LRPPRC: variants seen among roughly 807,000 people sequenced by gnomAD.
LRPPRC encodes leucine rich pentatricopeptide repeat containing.
LRPPRC carries 120 observed loss-of-function variants against 180.3 expected under a neutral mutation model. That is an observed-to-expected ratio of 0.67 (90% CI 0.57 to 0.77). The LOEUF (loss-of-function observed/expected upper bound fraction) is 0.77, where lower values mean the gene tolerates loss of function less well. Among genes scored for constraint, LRPPRC ranks in the 30% least tolerant of loss-of-function variants. The pLI, the probability that LRPPRC is intolerant of heterozygous loss-of-function variation, is 0.00. For synonymous variants in LRPPRC, 723 were observed against 600.0 expected, an observed-to-expected ratio of 1.21 and a Z score of -3.00; for missense variants, 2,012 against 1,657.2, an observed-to-expected ratio of 1.21 and a Z score of -3.72.
intron 2 of LRPPRC, among the ~76,000 whole-genome samples, chr2:43,981,012 A>G (rs1489604101): frequency 6.6e-6 from 1 of 152,196 alleles, no homozygotes; most frequent in African/African-American, 2.4e-5. Flanking sequence ...ATCAGATTTT[A>G]TATCTACACT....
chr2:43,901,171 T>A (rs542124937), intron 32 of LRPPRC, 149 bp downstream of exon 32: 16 of 660,772 alleles, frequency 2.4e-5, no homozygotes, highest in Admixed American at 1.2e-4. Context: ...TTTCAACATA[T>A]AATTATTCCC....
chr2:43,922,049 A>T (rs1163096558), intron 27 of LRPPRC, among the ~76,000 whole-genome samples: 1 of 152,196 alleles, frequency 6.6e-6, no homozygotes, highest in African/African-American at 2.4e-5. Context: ...TCCTTAAGCA[A>T]GTGAGGAAGT....
rs1215473289 is a variant in LRPPRC, at chr2:43,911,136, ATC to A, written c.3275+1294_3275+1295del. ...TTTCCAAGTCACTAATTAAGGGTAT[ATC>A]GAGTGTTCTAGATATATATATATAT... is the stretch of plus-strand genomic sequence containing the variant. On this transcript the variant is annotated intron_variant, in intron 30 of 37. Transcript: ENST00000260665. Among the ~76,000 whole-genome samples, 3 of 127,116 alleles carry A rather than the reference ATC, an allele frequency of 2.4e-5. No individual in the cohort carries two copies. In the Admixed American group the frequency reaches 2.6e-4, roughly 11 times the overall value. 83.4% of individuals were successfully genotyped at this position (127,116 alleles called of 152,430 possible). A position where few individuals can be genotyped will look rare whatever the true frequency, so the allele number is the denominator to read the frequency against.
intron 14 of LRPPRC, among the ~76,000 whole-genome samples, chr2:43,955,760 G>A (rs1010435666): frequency 2.0e-5 from 3 of 152,054 alleles, no homozygotes; most frequent in East Asian, 1.9e-4. Context: ...TCATTCTTGT[G>A]TGAACTACCA....
intron 1 of LRPPRC, among the ~76,000 whole-genome samples, chr2:43,987,204 T>G (rs62135120): frequency 0.086 from 13,156 of 152,132 alleles, 647 homozygotes; most frequent in South Asian, 0.14. Context: ...TTAAAAATGT[T>G]TGGTAATGAG....
At chr2:43,904,691 T>G (rs1382664636) in intron 31 of LRPPRC, 4 of 86,884 alleles carry the variant, frequency 4.6e-5, no homozygotes, top group African/African-American at 1.1e-4. Context: ...AGACCCTATC[T>G]CAAAAAAAAC....
At chr2:43,946,404 C>T (rs1462658240) in intron 20 of LRPPRC, among the ~76,000 whole-genome samples, 161 bp from the exon 21 acceptor site, 1 of 151,996 alleles carries the variant, frequency 6.6e-6, no homozygotes. Context: ...TTTTTATTCA[C>T]CTCTAAGAAG....
intron 22 of LRPPRC, 62 bp from the exon 23 acceptor site, chr2:43,943,956 T>A: frequency 8.5e-7 from 1 of 1,171,232 alleles, no homozygotes; most frequent in Non-Finnish European, 1.3e-6. Flanking sequence ...AAACTGCTAT[T>A]AAAACAGCAT....
intron 1 of LRPPRC, among the ~76,000 whole-genome samples, chr2:43,993,622 T>A (rs980943604): frequency 1.3e-5 from 2 of 151,894 alleles, no homozygotes; most frequent in African/African-American, 4.8e-5. Context: ...CTATATACAG[T>A]GCTCAGAGTC....
intron 36 of LRPPRC, chr2:43,892,619 C>T (rs1670531542): frequency 6.6e-6 from 1 of 152,008 alleles, no homozygotes; most frequent in Non-Finnish European, 1.5e-5. Context: ...TCTCAGGTGC[C>T]CTAATAAAAC....
chr2:43,892,070 A>G (rs1466063541), intron 36 of LRPPRC, among the ~76,000 whole-genome samples: 1 of 152,206 alleles, frequency 6.6e-6, no homozygotes, highest in Non-Finnish European at 1.5e-5. Context: ...CTGGTTCATG[A>G]GGTTTAAGGA....
intron 30 of LRPPRC, among the ~76,000 whole-genome samples, chr2:43,908,392 G>T (rs1326255978): frequency 6.6e-6 from 1 of 152,272 alleles, no homozygotes; most frequent in East Asian, 1.9e-4. Context: ...TACTTTAGAG[G>T]TTCCATGGCT....
chr2:43,888,650 A>G lies in LRPPRC; in HGVS notation c.4135T>C (p.Phe1379Leu). 1.3e-6 allele frequency: 2 copies of G among 1,590,660 alleles called. No individual in the cohort carries two copies. The highest frequency in any genetic ancestry group is 2.2e-5 in the East Asian group (1 of 44,746). Residue 1379 changes from phenylalanine to leucine, a missense_variant, in exon 38 of 38, where the codon TTT becomes CTT. Phe to Leu is a conservative substitution (Grantham distance 22). Transcript: ENST00000260665. ...CTTAGCTGCTGTGCATAAAATTCAA[A>G]GCTTTCCTGTTAAGGAGAAAAAAAG... ...PVPFIEPPES[F>L]EFYAQQLRKL...
chr2:43,890,462 C>A (rs1316741081), intron 36 of LRPPRC: 12 of 378,612 alleles, frequency 3.2e-5, no homozygotes. Flanking sequence ...GCCTGTAATC[C>A]CAGCACTTTG....
At chr2:43,959,452 G>A (rs1166796781) in intron 13 of LRPPRC, among the ~76,000 whole-genome samples, 1 of 152,144 alleles carries the variant, frequency 6.6e-6, no homozygotes, top group Non-Finnish European at 1.5e-5. Flanking sequence ...TAACATTAAT[G>A]AGAGCTTAAC....
intron 26 of LRPPRC, among the ~76,000 whole-genome samples, chr2:43,925,642 G>A (rs1196513002): frequency 6.6e-6 from 1 of 152,044 alleles, no homozygotes. Flanking sequence ...GAAGTGCCAA[G>A]GACATTAGGT....
intron 8 of LRPPRC, 107 bp downstream of exon 8, chr2:43,974,507 T>C (rs1225058487): frequency 3.4e-6 from 3 of 882,800 alleles, no homozygotes; most frequent in South Asian, 1.5e-5. Context: ...AAGAGTTCTA[T>C]GTTCAACTCC....
chr2:43,899,610 T>A lies in LRPPRC; in HGVS notation c.3570-5A>T, dbSNP rs1487003199. On this transcript the variant is annotated splice_region_variant and splice_polypyrimidine_tract_variant and intron_variant, in intron 32 of 37. Transcript: ENST00000260665. ...ATTGCGGCATCTATGTTATTACTGT[T>A]AAAAGCAAAATAAATTACTTAAAAA... 6.3e-7 allele frequency: 1 copy of A among 1,597,440 alleles called. No homozygotes were observed. The highest frequency in any genetic ancestry group is 1.1e-5 in the South Asian group (1 of 90,588).
chr2:43,938,509 A>C (rs911962538), intron 23 of LRPPRC, among the ~76,000 whole-genome samples: 13 of 152,212 alleles, frequency 8.5e-5, no homozygotes, highest in Non-Finnish European at 1.8e-4. Flanking sequence ...TTCATTCTAG[A>C]ATCTAGAATT....
Sources: gnomAD v4.1 joint callset for allele counts (sites outside exome capture counted in the v4.1 genomes callset) on GRCh38, gnomAD v4.1.1 for gene constraint, MANE v1.5 for transcripts, NCBI Gene and HGNC (gene_info 2026-07-23, HGNC 2026-07-21) for gene names.